ZHX3: variants seen among roughly 807,000 people sequenced by gnomAD.
ZHX3 encodes the protein zinc fingers and homeoboxes 3.
A neutral mutation model predicts 64.5 loss-of-function variants in ZHX3; 20 were observed. The observed-to-expected ratio is 0.31, with a 90% confidence interval of 0.22 to 0.45. ZHX3 has a LOEUF of 0.45. Among genes scored for constraint, ZHX3 ranks in the 20% least tolerant of loss-of-function variants. The pLI is 1.00. For missense variants in ZHX3, 1,041 were observed against 1,195.8 expected (o/e 0.87, Z 1.91); for synonymous variants, 423 against 461.6 (o/e 0.92, Z 1.07).
At position 41,204,536 on chromosome 20, in the gene ZHX3, G is replaced by A. The variant is rs761160331; in HGVS notation, c.381C>T (p.His127=). The change falls in exon 3 of 4, where the codon CAC becomes CAT. Residue 127 remains histidine (H), a synonymous_variant. Transcript: ENST00000683867. This position sits in a 1 kb window ranked among gnomAD's most constrained non-coding sequence, Gnocchi z 6.6. ...LAKTPEGLSL[H]NATCHSGEAS... Reference sequence around the variant, plus strand: ...CTTCCCCGGAGTGACATGTGGCATTGTGCAAGGAAAGCCCCTCAGGGGTTT... The same window carrying A: ...CTTCCCCGGAGTGACATGTGGCATTATGCAAGGAAAGCCCCTCAGGGGTTT... 6.2e-7 allele frequency: 1 copy of A among 1,614,184 alleles called. No individual in the cohort carries two copies. The highest frequency in any genetic ancestry group is 8.5e-7 in the Non-Finnish European group (1 of 1,180,034).
chr20:41,234,169 C>T (rs937521035), intron 2 of ZHX3, among the ~76,000 whole-genome samples: 4 of 152,166 alleles, frequency 2.6e-5, no homozygotes, highest in African/African-American at 9.7e-5. Flanking sequence ...TTCCCTGTTG[C>T]ACTGGTGGCA....
intron 1 of ZHX3, among the ~76,000 whole-genome samples, chr20:41,294,198 C>T (rs1016699225): frequency 2.0e-5 from 3 of 152,142 alleles, no homozygotes; most frequent in African/African-American, 4.8e-5. Flanking sequence ...GGGTCAATGA[C>T]ATTAATCCAA....
At chr20:41,297,006 T>C (rs1438563757) in intron 1 of ZHX3, among the ~76,000 whole-genome samples, 1 of 152,204 alleles carries the variant, frequency 6.6e-6, no homozygotes, top group Non-Finnish European at 1.5e-5. Flanking sequence ...CTATCCCTTA[T>C]GGTTTTCTCT....
intron 2 of ZHX3, among the ~76,000 whole-genome samples, chr20:41,245,686 T>C (rs1056578794): frequency 6.6e-6 from 1 of 152,212 alleles, no homozygotes; most frequent in African/African-American, 2.4e-5. Flanking sequence ...ATTCCAACTG[T>C]TTGGGCAGGG....
chr20:41,271,958 A>G (rs184788035), intron 1 of ZHX3: 12 of 152,306 alleles, frequency 7.9e-5, no homozygotes, highest in African/African-American at 2.9e-4. Context: ...CTGCAATTCC[A>G]TAAGTATGTC....
rs1260470630 is a variant in ZHX3, at chr20:41,224,621, G to A, written c.-150-19555C>T. ...CCCCCTCACAGAGGAGGACTTTGAG[G>A]TGAAGTGACCCAGTGGGACAAGGAA... is the stretch of plus-strand genomic sequence containing the variant. On this transcript the variant is annotated intron_variant, in intron 2 of 3. Transcript: ENST00000683867. The surrounding 1 kb of genome is among the most constrained non-coding windows in gnomAD (Gnocchi z 5.2). Among the ~76,000 whole-genome samples, 1 of 152,208 alleles carries A rather than the reference G, an allele frequency of 6.6e-6. No homozygotes were observed. The highest frequency in any genetic ancestry group is 1.9e-4 in the East Asian group (1 of 5,198).
intron 2 of ZHX3, among the ~76,000 whole-genome samples, chr20:41,233,853 C>T (rs1313880683): frequency 6.6e-6 from 1 of 152,154 alleles, no homozygotes; most frequent in Non-Finnish European, 1.5e-5. Flanking sequence ...GCATAAAGTC[C>T]CAAGACATGT....
Position 41,196,392 on chromosome 20 carries a change from T to TTTATATATATTATATAACATAAATATATA in ZHX3, c.2860+5664_2860+5665insTATATATTTATGTTATATAATATATATAA, listed in dbSNP as rs2037519120. ...TATATTTATATAACATAAATATATA[T>TTTATATATATTATATAACATAAATATATA]TTATATATATTATATATTATATATA... On this transcript the variant is annotated intron_variant, in intron 3 of 3. Transcript: ENST00000683867. Among the ~76,000 whole-genome samples, 5 of 54,492 alleles carry TTTATATATATTATATAACATAAATATATA rather than the reference T, an allele frequency of 9.2e-5. 1 individual carries two copies. The highest frequency in any genetic ancestry group is 2.4e-4 in the African/African-American group (2 of 8,494). 35.7% of individuals were successfully genotyped at this position (54,492 alleles called of 152,430 possible). A position where few individuals can be genotyped will look rare whatever the true frequency, so the allele number is the denominator to read the frequency against.
intron 3 of ZHX3, among the ~76,000 whole-genome samples, chr20:41,193,713 GTTTT>G (rs5841404): frequency 4.9e-5 from 7 of 141,880 alleles, no homozygotes; most frequent in Admixed American, 2.8e-4. Context: ...TGTTGTTTTT[GTTTT>G]TTTTTTTTGA....
chr20:41,231,179 T>A (rs968646517), intron 2 of ZHX3, among the ~76,000 whole-genome samples: 1 of 152,168 alleles, frequency 6.6e-6, no homozygotes, highest in African/African-American at 2.4e-5. Flanking sequence ...TCTCCCCCCA[T>A]TGCTTTTTAT....
At chr20:41,314,922 G>A (rs1284403076) in intron 1 of ZHX3, among the ~76,000 whole-genome samples, 1 of 151,922 alleles carries the variant, frequency 6.6e-6, no homozygotes, top group African/African-American at 2.4e-5. Flanking sequence ...AGGATATATC[G>A]GTGAAAAAAA....
intron 1 of ZHX3, among the ~76,000 whole-genome samples, chr20:41,277,294 T>G (rs1004512724): frequency 6.6e-6 from 1 of 152,170 alleles, no homozygotes; most frequent in Non-Finnish European, 1.5e-5. Context: ...CAAGACCCTA[T>G]CTCTTACAAA....
At chr20:41,288,905 T>C (rs2044077385) in intron 1 of ZHX3, among the ~76,000 whole-genome samples, 1 of 152,230 alleles carries the variant, frequency 6.6e-6, no homozygotes, top group Non-Finnish European at 1.5e-5. Flanking sequence ...ATTTAATACT[T>C]AGATGTTACA....
intron 1 of ZHX3, among the ~76,000 whole-genome samples, chr20:41,288,160 T>C (rs1169877459): frequency 1.3e-5 from 2 of 152,178 alleles, no homozygotes; most frequent in East Asian, 1.9e-4. Context: ...TCCAGGACTA[T>C]AGGCACATGC....
Position 41,212,789 on chromosome 20 carries a change from CTG to C in ZHX3, c.-150-7725_-150-7724del, listed in dbSNP as rs1292804733. ...TCCAGCCTGGGCAACAAGAGCTAAACTGTGTCTCAAAAAAAAAAAACCAAAAA... is the reference window on the plus strand; with the variant it reads ...TCCAGCCTGGGCAACAAGAGCTAAACTGTCTCAAAAAAAAAAAACCAAAAA... On this transcript the variant is annotated intron_variant, in intron 2 of 3. Coordinates refer to ENST00000683867, the MANE Select transcript of ZHX3 (RefSeq NM_001384317.1). The surrounding 1 kb of genome is among the most constrained non-coding windows in gnomAD (Gnocchi z 4.3). 1.3e-5 allele frequency among the ~76,000 whole-genome samples: 2 copies of C among 150,452 alleles called. No homozygotes were observed. Among genetic ancestry groups the C allele is most frequent in the Non-Finnish European group, 3.0e-5 (2 of 67,692 alleles).
intron 3 of ZHX3, among the ~76,000 whole-genome samples, chr20:41,189,461 T>C (rs2146125756): frequency 6.6e-6 from 1 of 152,360 alleles, no homozygotes; most frequent in Admixed American, 6.5e-5. Flanking sequence ...ATTTTTCCAA[T>C]CCATAAGCTT....
chr20:41,205,835 T>C (rs1226854265), intron 2 of ZHX3, among the ~76,000 whole-genome samples: 1 of 152,132 alleles, frequency 6.6e-6, no homozygotes, highest in Non-Finnish European at 1.5e-5. Flanking sequence ...CTGAGAACAG[T>C]TGGACTGCCT....
At chr20:41,285,587 C>T (rs2043897114) in intron 1 of ZHX3, among the ~76,000 whole-genome samples, 1 of 152,236 alleles carries the variant, frequency 6.6e-6, no homozygotes, top group East Asian at 1.9e-4. Flanking sequence ...CAAGAGAAGT[C>T]CAGTTTAATT....
intron 2 of ZHX3, among the ~76,000 whole-genome samples, chr20:41,256,065 C>T (rs186266604): frequency 3.9e-5 from 6 of 152,262 alleles, no homozygotes; most frequent in Admixed American, 1.3e-4. Context: ...TTTTTCAACA[C>T]TGTTGGAAAT....
Sources: gnomAD v4.1 joint callset for allele counts (sites outside exome capture counted in the v4.1 genomes callset) on GRCh38, gnomAD v4.1.1 for gene constraint, Gnocchi (gnomAD v3.1) non-coding constraint, MANE v1.5 for transcripts, NCBI Gene and HGNC (gene_info 2026-07-23, HGNC 2026-07-21) for gene names.